The following CLVS1 variants were observed in gnomAD, a reference collection of about 807,000 sequenced individuals.
CLVS1 encodes the protein clavesin-1.
A neutral mutation model predicts 33.1 loss-of-function variants in CLVS1; 10 were observed. The ratio of observed to expected loss-of-function variants is 0.30; its 90% CI spans 0.19 to 0.51. The LOEUF (loss-of-function observed/expected upper bound fraction) is 0.51, where lower values mean the gene tolerates loss of function less well. Ranked by LOEUF, CLVS1 falls within the 20% of genes least tolerant of loss-of-function variation. The pLI, the probability that CLVS1 is intolerant of heterozygous loss-of-function variation, is 0.97. For missense variants in CLVS1, 343 were observed against 433.4 expected (o/e 0.79, Z 1.85); for synonymous variants, 163 against 166.1 (o/e 0.98, Z 0.14).
intron 2 of CLVS1, among the ~76,000 whole-genome samples, chr8:61,204,291 T>A (rs1807796910): frequency 6.6e-6 from 1 of 152,232 alleles, no homozygotes; most frequent in Non-Finnish European, 1.5e-5. Context: ...AACTCCATGG[T>A]GCCTATGTTC....
Position 61,239,904 on chromosome 8 carries a change from T to G in CLVS1, c.-151-59773T>G, listed in dbSNP as rs183484613. ...GTTTGGAAAATAAAGGCCGTGAGAC[T>G]CAGAGGGGTGGGTACCATGCCCTGG... On this transcript the variant is annotated intron_variant, in intron 2 of 2. Coordinates refer to the CLVS1 transcript ENST00000522621. 5.3e-5 allele frequency among the ~76,000 whole-genome samples: 8 copies of G among 152,190 alleles called. No individual in the cohort carries two copies. The East Asian group carries it at 1.6e-3, about 30-fold the overall frequency.
chr8:61,433,428 G>A lies in CLVS1; in HGVS notation c.631-20713G>A, dbSNP rs145497856. On this transcript the variant is annotated intron_variant, in intron 3 of 5. Transcript: ENST00000325897. Reference sequence around the variant, plus strand: ...ACAGCTACCTGTTTGTGAACAAAAGGAAGTCAGATTTGTTGTTGTTTGTTT... The same window carrying A: ...ACAGCTACCTGTTTGTGAACAAAAGAAAGTCAGATTTGTTGTTGTTTGTTT... 6.8e-4 allele frequency among the ~76,000 whole-genome samples: 104 copies of A among 152,338 alleles called. 1 individual carries two copies. Among genetic ancestry groups the A allele is most frequent in the Non-Finnish European group, 1.3e-3 (86 of 68,034 alleles).
chr8:61,467,958 G>A (rs1310426672), intron 5 of CLVS1, among the ~76,000 whole-genome samples: 4 of 151,926 alleles, frequency 2.6e-5, no homozygotes, highest in Non-Finnish European at 5.9e-5. Context: ...AAAGACGCTG[G>A]CTACCGAAAA....
intron 1 of CLVS1, among the ~76,000 whole-genome samples, chr8:61,109,464 A>C (rs1165091098): frequency 1.3e-5 from 2 of 152,110 alleles, no homozygotes; most frequent in Non-Finnish European, 2.9e-5. Flanking sequence ...TATATTACAC[A>C]ATAGAATATA....
chr8:61,371,495 C>G (rs566411651), intron 2 of CLVS1, among the ~76,000 whole-genome samples: 1 of 152,210 alleles, frequency 6.6e-6, no homozygotes, highest in Non-Finnish European at 1.5e-5. Flanking sequence ...GGAATATGCC[C>G]TGTGATTTCA....
intron 2 of CLVS1, among the ~76,000 whole-genome samples, chr8:61,267,266 GTAT>G (rs139098766): frequency 7.4e-4 from 113 of 151,690 alleles, no homozygotes; most frequent in African/African-American, 2.3e-3. Context: ...TAATCAAAGG[GTAT>G]TATTATTATT....
intron 5 of CLVS1, among the ~76,000 whole-genome samples, chr8:61,487,261 A>C (rs541464088): frequency 2.0e-5 from 3 of 152,160 alleles, no homozygotes; most frequent in Non-Finnish European, 4.4e-5. Context: ...GGGGTTCTTG[A>C]AAACTGAGCC....
intron 1 of CLVS1, 23 bp downstream of exon 1, chr8:61,288,161 C>G (rs1563478285): frequency 2.2e-6 from 1 of 456,218 alleles, no homozygotes. Flanking sequence ...TTTTTTCTCC[C>G]CTCTGTATTT....
intron 2 of CLVS1, among the ~76,000 whole-genome samples, chr8:61,371,130 C>A (rs143513763): frequency 6.6e-6 from 1 of 152,110 alleles, no homozygotes; most frequent in Non-Finnish European, 1.5e-5. Flanking sequence ...AAAAGCGTTC[C>A]CTTTTCACCA....
At chr8:61,287,142 A>T (rs575717546), upstream of CLVS1, among the ~76,000 whole-genome samples, 71 of 152,328 alleles carry the variant, frequency 4.7e-4, no homozygotes, top group Middle Eastern at 3.4e-3. Flanking sequence ...TGTGAAATAG[A>T]TTTTTAAAAA....
intron 1 of CLVS1, among the ~76,000 whole-genome samples, chr8:61,116,089 T>C (rs552033018): frequency 5.3e-5 from 8 of 151,848 alleles, no homozygotes; most frequent in African/African-American, 1.9e-4. Context: ...AGATGGTATC[T>C]CATTGTGGTT....
intron 5 of CLVS1, among the ~76,000 whole-genome samples, chr8:61,474,309 T>C (rs1042044288): frequency 6.6e-6 from 1 of 152,148 alleles, no homozygotes; most frequent in African/African-American, 2.4e-5. Context: ...CCATTGGACA[T>C]AATGACTTGA....
the CLVS1 span, among the ~76,000 whole-genome samples, chr8:61,034,388 A>AAAC: frequency 6.6e-6 from 1 of 152,028 alleles, no homozygotes; most frequent in Non-Finnish European, 1.5e-5. Flanking sequence ...TTTGTGGTGC[A>AAAC]AACTTTGAAA....
intron 2 of CLVS1, among the ~76,000 whole-genome samples, chr8:61,179,397 A>G (rs2129300134): frequency 6.6e-6 from 1 of 152,292 alleles, no homozygotes; most frequent in East Asian, 1.9e-4. Flanking sequence ...ATAGTGGGAG[A>G]CTTTAACACC....
the CLVS1 span, among the ~76,000 whole-genome samples, chr8:60,982,104 T>A: frequency 6.6e-6 from 1 of 152,228 alleles, no homozygotes; most frequent in Non-Finnish European, 1.5e-5. Context: ...GGAACATTCA[T>A]GCCACGAATG....
the CLVS1 span, among the ~76,000 whole-genome samples, chr8:61,033,933 CG>C: frequency 6.6e-6 from 1 of 152,222 alleles, no homozygotes; most frequent in Non-Finnish European, 1.5e-5. Flanking sequence ...TTAGAGACTC[CG>C]GCTTGGTCAT....
intron 1 of CLVS1, among the ~76,000 whole-genome samples, chr8:61,065,663 T>C (rs968169327): frequency 6.6e-6 from 1 of 152,190 alleles, no homozygotes; most frequent in Non-Finnish European, 1.5e-5. Context: ...TTAACTAGAG[T>C]ATATTTTATT....
chr8:61,358,361 T>G (rs1300487735), intron 2 of CLVS1, among the ~76,000 whole-genome samples: 1 of 152,256 alleles, frequency 6.6e-6, no homozygotes, highest in Non-Finnish European at 1.5e-5. Context: ...GCAAGCCTTG[T>G]TAGTTTTCCC....
intron 2 of CLVS1, among the ~76,000 whole-genome samples, chr8:61,251,463 G>A (rs1408229877): frequency 2.6e-5 from 4 of 152,092 alleles, no homozygotes; most frequent in African/African-American, 4.8e-5. Flanking sequence ...TTTTTCTATT[G>A]TTTGGAATAG....
Sources: allele counts gnomAD v4.1 joint callset (sites outside exome capture counted in the v4.1 genomes callset), GRCh38; gene constraint gnomAD v4.1.1; transcripts MANE v1.5; gene names NCBI Gene and HGNC (gene_info 2026-07-23, HGNC 2026-07-21).